ITGBL1: variants seen among roughly 807,000 people sequenced by gnomAD.
ITGBL1 encodes integrin subunit beta like 1.
In ITGBL1, 51 loss-of-function variants were observed where a neutral mutation model predicts 68.5. The observed-to-expected ratio is 0.74, with a 90% CI of 0.59 to 0.94. The LOEUF (loss-of-function observed/expected upper bound fraction) is 0.94. Ranked by LOEUF, ITGBL1 falls within the 40% of genes least tolerant of loss-of-function variation. The probability of loss-of-function intolerance (pLI) is 0.00; values close to 1 mark genes in which losing one functional copy is unlikely to be tolerated. For synonymous variants in ITGBL1, 209 were observed against 227.3 expected, an observed-to-expected ratio of 0.92 and a Z score of 0.72; for missense variants, 649 against 647.4, an observed-to-expected ratio of 1.00 and a Z score of -0.03.
At chr13:101,709,572 AG>A (rs1279225570) in intron 9 of ITGBL1, among the ~76,000 whole-genome samples, 2 of 152,086 alleles carry the variant, frequency 1.3e-5, no homozygotes, top group Non-Finnish European at 1.5e-5. Context: ...AGAGCACTTA[AG>A]TTTAGATACT....
rs530325045 is a variant in ITGBL1 at position 101,601,600 on chromosome 13, G to C, written c.1015+3301G>C. Among the ~76,000 whole-genome samples the C allele has an allele frequency of 1.9e-4, 29 of 152,272 alleles. 1 individual carries two copies. The highest frequency in any genetic ancestry group is 6.7e-4 in the African/African-American group (28 of 41,554). On this transcript the variant is annotated intron_variant, in intron 7 of 10. Transcript: ENST00000376180. ...TGCTATAAATTTCCCTCTACACACT[G>C]CTTTGAATGTGTCCCAGAGATTCTG... is the stretch of plus-strand genomic sequence containing the variant.
At chr13:101,709,372 A>AAAG (rs1491539390) in intron 9 of ITGBL1, among the ~76,000 whole-genome samples, 1 of 24,338 alleles carries the variant, frequency 4.1e-5, no homozygotes, top group Non-Finnish European at 1.0e-4. Context: ...ACTCCGTCTC[A>AAAG]AAAAAAAAAA....
At chr13:101,608,064 C>A (rs1417027145) in intron 7 of ITGBL1, among the ~76,000 whole-genome samples, 1 of 151,976 alleles carries the variant, frequency 6.6e-6, no homozygotes, top group Admixed American at 6.6e-5. Context: ...CCATACACCC[C>A]CATAAGGGAA....
chr13:101,707,563 G>A, intron 9 of ITGBL1, among the ~76,000 whole-genome samples: 1 of 152,102 alleles, frequency 6.6e-6, no homozygotes. Context: ...TGTTCGGTTG[G>A]GCACCGTGGC....
At chr13:101,707,856 G>GAA (rs571925236) in intron 9 of ITGBL1, among the ~76,000 whole-genome samples, 1 of 69,622 alleles carries the variant, frequency 1.4e-5, no homozygotes. Context: ...CCATCTCCCA[G>GAA]AAAAAAAAAA....
chr13:101,677,228 A>G (rs2033527737), intron 7 of ITGBL1, among the ~76,000 whole-genome samples: 1 of 152,214 alleles, frequency 6.6e-6, no homozygotes, highest in Non-Finnish European at 1.5e-5. Context: ...GCAGAAATTC[A>G]TTTTAGAATG....
chr13:101,573,473 A>G (rs2050305574), intron 3 of ITGBL1, among the ~76,000 whole-genome samples: 1 of 152,170 alleles, frequency 6.6e-6, no homozygotes, highest in Non-Finnish European at 1.5e-5. Context: ...GTCAGCATCC[A>G]TAAATATATT....
chr13:101,499,196 C>A (rs1221942936), intron 2 of ITGBL1, among the ~76,000 whole-genome samples: 1 of 152,144 alleles, frequency 6.6e-6, no homozygotes, highest in African/African-American at 2.4e-5. Flanking sequence ...TGGCTATCTG[C>A]AAAAATAATA....
chr13:101,685,364 T>C (rs2033731012), intron 7 of ITGBL1, among the ~76,000 whole-genome samples: 1 of 152,110 alleles, frequency 6.6e-6, no homozygotes, highest in Non-Finnish European at 1.5e-5. Context: ...AAAAATTTTT[T>C]CATTTCTGTA....
At chr13:101,509,864 C>A (rs1405050234) in intron 2 of ITGBL1, among the ~76,000 whole-genome samples, 1 of 151,898 alleles carries the variant, frequency 6.6e-6, no homozygotes, top group African/African-American at 2.4e-5. Flanking sequence ...ATTCAAATCC[C>A]CAATGTTTTA....
intron 2 of ITGBL1, among the ~76,000 whole-genome samples, chr13:101,491,786 C>A (rs563876785): frequency 6.6e-6 from 1 of 152,228 alleles, no homozygotes; most frequent in South Asian, 2.1e-4. Context: ...GCCCTCCACC[C>A]CCTGACAGGG....
At chr13:101,662,013 C>T (rs1343049163) in intron 7 of ITGBL1, among the ~76,000 whole-genome samples, 1 of 152,182 alleles carries the variant, frequency 6.6e-6, no homozygotes, top group Non-Finnish European at 1.5e-5. Flanking sequence ...GTTCCTCCAA[C>T]ATCGCTTTTT....
chr13:101,500,287 A>AT (rs2048919679), intron 2 of ITGBL1, among the ~76,000 whole-genome samples: 2 of 152,304 alleles, frequency 1.3e-5, no homozygotes, highest in African/African-American at 4.8e-5. Context: ...TTGGATTCCC[A>AT]TTTATAACAG....
intron 2 of ITGBL1, among the ~76,000 whole-genome samples, chr13:101,501,121 T>G (rs1161604502): frequency 6.6e-6 from 1 of 152,228 alleles, no homozygotes; most frequent in African/African-American, 2.4e-5. Flanking sequence ...GGTTCACCTT[T>G]TGGCTCCTGC....
chr13:101,492,487 G>A (rs1315105287), intron 2 of ITGBL1, among the ~76,000 whole-genome samples: 1 of 152,240 alleles, frequency 6.6e-6, no homozygotes, highest in Non-Finnish European at 1.5e-5. Flanking sequence ...ATTTACAGTG[G>A]ATACTAATTT....
At chr13:101,711,618 G>C (rs1413697423) in intron 9 of ITGBL1, 1 of 152,162 alleles carries the variant, frequency 6.6e-6, no homozygotes, top group Non-Finnish European at 1.5e-5. Flanking sequence ...TCAGTTAACT[G>C]TTTGTTTATT....
chr13:101,595,013 G>A (rs530670971), intron 6 of ITGBL1, among the ~76,000 whole-genome samples: 2 of 152,352 alleles, frequency 1.3e-5, no homozygotes, highest in Non-Finnish European at 2.9e-5. Flanking sequence ...GTTGGAGATT[G>A]CAGTGAACCG....
At chr13:101,591,366 T>G (rs1426195396) in intron 6 of ITGBL1, among the ~76,000 whole-genome samples, 2 of 152,242 alleles carry the variant, frequency 1.3e-5, no homozygotes, top group Non-Finnish European at 2.9e-5. Context: ...AATTTTCTTT[T>G]CCTTTCAACT....
chr13:101,604,874 A>ATATATATATATATATG (rs2030614967), intron 7 of ITGBL1, among the ~76,000 whole-genome samples: 2 of 42,042 alleles, frequency 4.8e-5, no homozygotes, highest in Non-Finnish European at 1.0e-4. Flanking sequence ...ATATATATAT[A>ATATATATATATATATG]TATATATATA....
Sources: gnomAD v4.1 joint callset for allele counts (sites outside exome capture counted in the v4.1 genomes callset) on GRCh38, gnomAD v4.1.1 for gene constraint, MANE v1.5 for transcripts, NCBI Gene and HGNC (gene_info 2026-07-23, HGNC 2026-07-21) for gene names.